KCNQ3: variants seen among roughly 807,000 people sequenced by gnomAD.
The protein encoded by KCNQ3 is potassium voltage-gated channel subfamily KQT member 3.
KCNQ3 carries 30 observed loss-of-function variants against 92.5 expected under a neutral mutation model. That is an observed-to-expected ratio of 0.32 (90% CI 0.24 to 0.44). The LOEUF (loss-of-function observed/expected upper bound fraction) is 0.44, where lower values mean the gene tolerates loss of function less well. Ranked by LOEUF, KCNQ3 falls within the 20% of genes least tolerant of loss-of-function variation. KCNQ3 has a pLI of 1.00. For synonymous variants in KCNQ3, 450 were observed against 468.8 expected (o/e 0.96, Z 0.52); for missense variants, 913 against 1,140.3 (o/e 0.80, Z 2.87).
chr8:132,211,238 C>T (rs115493718), intron 1 of KCNQ3, among the ~76,000 whole-genome samples: 1 of 152,184 alleles, frequency 6.6e-6, no homozygotes, highest in Admixed American at 6.5e-5. Context: ...CAAAAATAGA[C>T]TCCAATACAT....
intron 1 of KCNQ3, among the ~76,000 whole-genome samples, chr8:132,255,116 C>T (rs1344569786): frequency 1.3e-5 from 2 of 151,978 alleles, no homozygotes; most frequent in African/African-American, 4.8e-5. Flanking sequence ...GCCCCCTCCC[C>T]CCCACCTCAT....
At chr8:132,234,400 T>A (rs1012752387) in intron 1 of KCNQ3, among the ~76,000 whole-genome samples, 3 of 143,188 alleles carry the variant, frequency 2.1e-5, no homozygotes, top group African/African-American at 5.2e-5. Context: ...TTCCAAAGGA[T>A]TCTTTCCAAA....
intron 1 of KCNQ3, among the ~76,000 whole-genome samples, chr8:132,479,568 G>A (rs1822494453): frequency 6.6e-6 from 1 of 151,916 alleles, no homozygotes; most frequent in Non-Finnish European, 1.5e-5. Context: ...CCCAGTCAGA[G>A]CAGCACCAGG....
chr8:132,286,431 C>G (rs1371948964), intron 1 of KCNQ3, among the ~76,000 whole-genome samples: 1 of 152,190 alleles, frequency 6.6e-6, no homozygotes, highest in African/African-American at 2.4e-5. Flanking sequence ...GCTGGTAACT[C>G]ATTTCTTCCT....
intron 1 of KCNQ3, among the ~76,000 whole-genome samples, chr8:132,273,194 C>A (rs1052686137): frequency 2.6e-5 from 4 of 152,224 alleles, no homozygotes; most frequent in African/African-American, 9.6e-5. Flanking sequence ...CCCAACCCTG[C>A]AGCAAACTTC....
chr8:132,302,702 C>T (rs184721239), intron 1 of KCNQ3, among the ~76,000 whole-genome samples: 207 of 152,328 alleles, frequency 1.4e-3, no homozygotes, highest in African/African-American at 4.8e-3. Context: ...AAAGCAGTTT[C>T]CTGGCACTCG....
Position 132,406,062 on chromosome 8 carries a change from C to T in KCNQ3, c.386+74085G>A, listed in dbSNP as rs79810897. On this transcript the variant is annotated intron_variant, in intron 1 of 14. Transcript: ENST00000388996. ...TTCTGTGCGACAGCTTCATTTTTTG[C>T]GAACTGGGAGTAATTATGCCAACTT... Among the ~76,000 whole-genome samples the T allele has an allele frequency of 1.4e-3, 212 of 152,170 alleles. 2 individuals carry two copies. In the East Asian group the frequency reaches 0.037, roughly 27 times the overall value.
rs886062691 is a variant in KCNQ3 at position 132,132,255 on chromosome 8, T to C, written c.1809A>G (p.Pro603=). 1.9e-6 allele frequency: 3 copies of C among 1,612,250 alleles called. No individual in the cohort carries two copies. The highest frequency in any genetic ancestry group is 1.7e-5 in the Admixed American group (1 of 60,002). Reference sequence around the variant, plus strand: ...CTGATGTGGATGGTCTGGCTACATATGGTTCATTCCTAAGAAGAAGCGAAC... The same window carrying C: ...CTGATGTGGATGGTCTGGCTACATACGGTTCATTCCTAAGAAGAAGCGAAC... The part of the protein sequence containing the change: ...FPSQQSPRNE[P]YVARPSTSEI... Residue 603 remains proline (P), a synonymous_variant, in exon 14 of 15, where the codon CCA becomes CCG. Transcript: ENST00000388996.
At chr8:132,402,933 G>T (rs1228367278) in intron 1 of KCNQ3, among the ~76,000 whole-genome samples, 2 of 144,556 alleles carry the variant, frequency 1.4e-5, no homozygotes, top group Non-Finnish European at 1.5e-5. Context: ...CAGGGGAATC[G>T]CTTGAACCCA....
intron 11 of KCNQ3, among the ~76,000 whole-genome samples, 161 bp downstream of exon 11, chr8:132,139,915 C>T (rs937269440): frequency 3.3e-5 from 5 of 152,140 alleles, no homozygotes; most frequent in African/African-American, 1.2e-4. Context: ...TCTGGGGCAG[C>T]ATACAGTATT....
chr8:132,464,785 C>T (rs1822134821), intron 1 of KCNQ3, among the ~76,000 whole-genome samples: 1 of 152,180 alleles, frequency 6.6e-6, no homozygotes, highest in Non-Finnish European at 1.5e-5. Context: ...GAGTGTCACA[C>T]CATTATGCAA....
chr8:132,308,571 A>ATTC (rs1817501796), intron 1 of KCNQ3, among the ~76,000 whole-genome samples: 2 of 152,198 alleles, frequency 1.3e-5, no homozygotes, highest in Non-Finnish European at 2.9e-5. Flanking sequence ...GGGCACACGT[A>ATTC]AGGGAAATCA....
rs1515520 is a variant in KCNQ3 at position 132,430,361 on chromosome 8, G to C, written c.386+49786C>G. On this transcript the variant is annotated intron_variant, in intron 1 of 14. Coordinates refer to ENST00000388996, the MANE Select transcript of KCNQ3 (RefSeq NM_004519.4). Reference sequence around the variant, plus strand: ...TCTCACAAGCAGGCCCTTCAGAAGTGACCAAACCAAGCATTTCTGTCATGT... The same window carrying C: ...TCTCACAAGCAGGCCCTTCAGAAGTCACCAAACCAAGCATTTCTGTCATGT... 0.59 allele frequency among the ~76,000 whole-genome samples: 90,262 copies of C among 152,088 alleles called. 27,248 individuals carry two copies. The highest frequency in any genetic ancestry group is 0.64 in the African/African-American group (26,397 of 41,492).
chr8:132,234,685 A>C (rs1814754603), intron 1 of KCNQ3, among the ~76,000 whole-genome samples: 1 of 152,212 alleles, frequency 6.6e-6, no homozygotes, highest in Non-Finnish European at 1.5e-5. Flanking sequence ...TTGAGAAACT[A>C]AGGCTCAGAC....
At chr8:132,340,755 T>A (rs960956798) in intron 1 of KCNQ3, among the ~76,000 whole-genome samples, 5 of 152,204 alleles carry the variant, frequency 3.3e-5, no homozygotes, top group Non-Finnish European at 7.3e-5. Flanking sequence ...CTGGACGTTC[T>A]GCACCTGTAT....
intron 1 of KCNQ3, among the ~76,000 whole-genome samples, chr8:132,249,846 G>A (rs1167009004): frequency 6.6e-6 from 1 of 152,202 alleles, no homozygotes; most frequent in East Asian, 1.9e-4. Flanking sequence ...CACAACGTTG[G>A]TGAGCTAGCA....
chr8:132,480,678 C>G lies in KCNQ3; in HGVS notation c.-146G>C, dbSNP rs1012132545. The G allele has an allele frequency of 1.1e-5, 10 of 900,238 alleles. No individual in the cohort carries two copies. The highest frequency in any genetic ancestry group is 2.1e-4 in the East Asian group (2 of 9,482). The allele number at this position is 900,238 out of a possible 1,614,324, so 55.8% of individuals were successfully genotyped here. A position where few individuals can be genotyped will look rare whatever the true frequency, so the allele number is the denominator to read the frequency against. ...TCCGCGCGCCCCTCCCCACCCCCCC[C>G]CAAAAGCAGGCAAAGGCGGGCCCCC... is the stretch of plus-strand genomic sequence containing the variant. On this transcript the variant is annotated 5_prime_UTR_variant, in exon 1 of 15. Coordinates refer to ENST00000388996, the MANE Select transcript of KCNQ3 (RefSeq NM_004519.4).
At chr8:132,456,116 G>A (rs941440448) in intron 1 of KCNQ3, among the ~76,000 whole-genome samples, 1 of 152,104 alleles carries the variant, frequency 6.6e-6, no homozygotes, top group African/African-American at 2.4e-5. Flanking sequence ...TCCCTTGCCT[G>A]AGGTCACACC....
At chr8:132,131,719 G>A (rs986638325) in intron 14 of KCNQ3, among the ~76,000 whole-genome samples, 6 of 152,186 alleles carry the variant, frequency 3.9e-5, no homozygotes, top group African/African-American at 1.4e-4. Context: ...AGTAAATGCT[G>A]AATCAGTGAT....
Sources: allele counts gnomAD v4.1 joint callset (sites outside exome capture counted in the v4.1 genomes callset), GRCh38; gene constraint gnomAD v4.1.1; transcripts MANE v1.5; gene names NCBI Gene and HGNC (gene_info 2026-07-23, HGNC 2026-07-21).